The following RBM47 variants were observed in gnomAD, a reference collection of about 807,000 sequenced individuals.
RBM47 encodes RNA-binding protein 47.
Under a neutral mutation model 47.1 loss-of-function variants are expected in RBM47, and 21 were observed. That is an observed-to-expected ratio of 0.45 (90% CI 0.32 to 0.64). RBM47 has a LOEUF of 0.64. Among genes scored for constraint, RBM47 ranks in the 30% least tolerant of loss-of-function variants. RBM47 has a pLI of 0.05. For missense variants in RBM47, 708 were observed against 870.9 expected, an observed-to-expected ratio of 0.81 and a Z score of 2.35; for synonymous variants, 375 against 361.7, an observed-to-expected ratio of 1.04 and a Z score of -0.42.
chr4:40,567,763 G>A (rs1731235321), intron 1 of RBM47, among the ~76,000 whole-genome samples: 1 of 151,978 alleles, frequency 6.6e-6, no homozygotes. Flanking sequence ...GATTCAGGAT[G>A]AGGCAAAACA....
At chr4:40,514,535 CTCTT>C (rs934868666) in intron 2 of RBM47, 9 of 152,188 alleles carry the variant, frequency 5.9e-5, no homozygotes, top group African/African-American at 2.2e-4. Context: ...ACCTGGCGCT[CTCTT>C]TCCCTGCTTG....
At chr4:40,585,045 G>A (rs1488227235) in intron 1 of RBM47, among the ~76,000 whole-genome samples, 1 of 152,192 alleles carries the variant, frequency 6.6e-6, no homozygotes, top group African/African-American at 2.4e-5. Flanking sequence ...AAAATGACTA[G>A]GGGACATTAT....
chr4:40,472,983 C>A (rs542452097), intron 2 of RBM47, among the ~76,000 whole-genome samples: 3 of 152,080 alleles, frequency 2.0e-5, no homozygotes, highest in Admixed American at 6.6e-5. Flanking sequence ...GAAACATTCC[C>A]AAATCACCTT....
At chr4:40,540,774 TTTTA>T (rs543635221) in intron 2 of RBM47, among the ~76,000 whole-genome samples, 2 of 149,888 alleles carry the variant, frequency 1.3e-5, no homozygotes, top group African/African-American at 4.9e-5. Context: ...AATTTATATA[TTTTA>T]TTTATTTATT....
At chr4:40,485,240 T>A (rs1380324313) in intron 2 of RBM47, among the ~76,000 whole-genome samples, 1 of 152,224 alleles carries the variant, frequency 6.6e-6, no homozygotes, top group Non-Finnish European at 1.5e-5. Context: ...ACTTTTTACT[T>A]ACAACATGGA....
At chr4:40,430,173 C>T (rs189624903) in intron 6 of RBM47, among the ~76,000 whole-genome samples, 1 of 151,704 alleles carries the variant, frequency 6.6e-6, no homozygotes, top group East Asian at 1.9e-4. Context: ...CCAGCCTGGG[C>T]GACAGAGCGA....
At chr4:40,610,734 GGGA>G (rs929123058) in intron 1 of RBM47, among the ~76,000 whole-genome samples, 3 of 152,090 alleles carry the variant, frequency 2.0e-5, no homozygotes, top group Non-Finnish European at 4.4e-5. Context: ...CATGTGGTGT[GGGA>G]GGAACCCAGG....
intron 1 of RBM47, among the ~76,000 whole-genome samples, chr4:40,594,385 G>T (rs1307231532): frequency 6.6e-6 from 1 of 152,178 alleles, no homozygotes; most frequent in Non-Finnish European, 1.5e-5. Flanking sequence ...ATTGGACCAA[G>T]ATAGGAAAAG....
intron 1 of RBM47, among the ~76,000 whole-genome samples, chr4:40,600,079 C>G (rs1401863683): frequency 7.2e-5 from 11 of 152,198 alleles, no homozygotes; most frequent in Non-Finnish European, 1.5e-4. Flanking sequence ...GCCATCATAG[C>G]TCACTGCGGC....
At position 40,436,609 on chromosome 4, in the gene RBM47, T is replaced by G; in HGVS notation, c.1162A>C (p.Asn388His). 2 of 1,614,194 alleles carry G rather than the reference T, an allele frequency of 1.2e-6. No homozygotes were observed. The highest frequency in any genetic ancestry group is 2.2e-5 in the South Asian group (2 of 91,086). The change falls in exon 5 of 7, where the codon AAC becomes CAC. Residue 388 changes from asparagine (N) to histidine (H), a missense_variant. By Grantham distance (68) the Asn-to-His change is moderately conservative. Coordinates refer to ENST00000295971, the MANE Select transcript of RBM47 (RefSeq NM_001098634.2). ...IRGRGRGAAG[N>H]RAPGPRGSYL... is the part of the protein sequence containing the mutation. ...GAACCCCTAGGCCCTGGGGCTCTGT[T>G]GCCAGCTGCACCTCGCCCTCGGCCT...
At position 40,554,076 on chromosome 4, in the gene RBM47, C is replaced by G. The variant is rs1381019411; in HGVS notation, c.-239-9570G>C. Among the ~76,000 whole-genome samples the G allele has an allele frequency of 4.0e-5, 6 of 151,168 alleles. No homozygotes were observed. The South Asian group carries it at 1.0e-3, about 26-fold the overall frequency. On this transcript the variant is annotated intron_variant, in intron 1 of 6. Coordinates refer to ENST00000295971, the MANE Select transcript of RBM47 (RefSeq NM_001098634.2). ...AAAGGATGCACAGTCCCGTATTCAT[C>G]TCCGCAACCCCAGGACCCAGCACGG...
intron 2 of RBM47, among the ~76,000 whole-genome samples, chr4:40,501,622 T>C (rs904195190): frequency 1.3e-5 from 2 of 152,258 alleles, no homozygotes; most frequent in Admixed American, 1.3e-4. Context: ...TGCATGCAGC[T>C]ATGGGCTACC....
chr4:40,600,485 TTAGCCGGGTGTGGTGGCGGGCGCCTG>T (rs1419471725), intron 1 of RBM47, among the ~76,000 whole-genome samples: 4 of 150,076 alleles, frequency 2.7e-5, no homozygotes, highest in Non-Finnish European at 5.9e-5. Context: ...ATACAAAAAA[TTAGCCGGGTGTGGTGGCGGGCGCCTG>T]TAGTCCCAGC....
At chr4:40,538,104 A>G (rs1320760263) in intron 2 of RBM47, among the ~76,000 whole-genome samples, 2 of 152,152 alleles carry the variant, frequency 1.3e-5, no homozygotes, top group African/African-American at 4.8e-5. Flanking sequence ...TTACTTTTGC[A>G]TAAGTTTTCA....
intron 1 of RBM47, among the ~76,000 whole-genome samples, chr4:40,578,553 A>C (rs1001165685): frequency 3.9e-5 from 6 of 152,014 alleles, no homozygotes; most frequent in African/African-American, 1.5e-4. Flanking sequence ...ACTTCCATTC[A>C]TTTTCAGTGT....
At chr4:40,558,787 C>T (rs925304428) in intron 1 of RBM47, among the ~76,000 whole-genome samples, 1 of 149,934 alleles carries the variant, frequency 6.7e-6, no homozygotes. Context: ...GAGATCGTGC[C>T]ACAGCACTCC....
At chr4:40,618,808 CAAAAAAAAAAAAAAAAA>C (rs35543412) in intron 1 of RBM47, among the ~76,000 whole-genome samples, 1 of 27,594 alleles carries the variant, frequency 3.6e-5, no homozygotes, top group Admixed American at 5.3e-4. Context: ...GACTCCATCT[CAAAAAAAAAAAAAAAAA>C]AAAAAAAAAG....
At chr4:40,575,421 G>A (rs573786953) in intron 1 of RBM47, among the ~76,000 whole-genome samples, 20 of 151,780 alleles carry the variant, frequency 1.3e-4, no homozygotes, top group African/African-American at 3.4e-4. Context: ...GAGTGGTGGC[G>A]GGCCCCTTTA....
intron 1 of RBM47, among the ~76,000 whole-genome samples, chr4:40,558,987 C>A (rs1730362454): frequency 6.6e-6 from 1 of 152,128 alleles, no homozygotes. Flanking sequence ...GAGTGAGACT[C>A]CGTCTCAAAA....
Sources: gnomAD v4.1 joint callset for allele counts (sites outside exome capture counted in the v4.1 genomes callset) on GRCh38, gnomAD v4.1.1 for gene constraint, MANE v1.5 for transcripts, NCBI Gene and HGNC (gene_info 2026-07-23, HGNC 2026-07-21) for gene names.